SOHLH2: variants seen among roughly 807,000 people sequenced by gnomAD.
The protein encoded by SOHLH2 is spermatogenesis- and oogenesis-specific basic helix-loop-helix-containing protein 2.
Under a neutral mutation model 50.4 loss-of-function variants are expected in SOHLH2, and 22 were observed. The observed-to-expected ratio is 0.44, with a 90% CI of 0.31 to 0.62. The LOEUF (loss-of-function observed/expected upper bound fraction) is 0.62, where lower values mean the gene tolerates loss of function less well. SOHLH2 is among the 20% of genes least tolerant of loss of function. The pLI, the probability that SOHLH2 is intolerant of heterozygous loss-of-function variation, is 0.08. For synonymous variants in SOHLH2, 185 were observed against 187.3 expected, an observed-to-expected ratio of 0.99 and a Z score of 0.10; for missense variants, 412 against 504.4, an observed-to-expected ratio of 0.82 and a Z score of 1.76.
chr13:36,182,806 T>C (rs1887294391), intron 6 of SOHLH2: 1 of 152,412 alleles, frequency 6.6e-6, no homozygotes, highest in South Asian at 2.1e-4. Flanking sequence ...GAGTAATCTG[T>C]TGTACAGTAT....
chr13:36,209,369 C>T (rs1315833884), intron 1 of SOHLH2, among the ~76,000 whole-genome samples: 12 of 151,368 alleles, frequency 7.9e-5, no homozygotes, highest in Non-Finnish European at 1.3e-4. Flanking sequence ...TTTATTCAAG[C>T]TGCTATAACA....
intron 6 of SOHLH2, among the ~76,000 whole-genome samples, chr13:36,181,773 T>C (rs1324769596): frequency 6.6e-6 from 1 of 152,210 alleles, no homozygotes; most frequent in East Asian, 1.9e-4. Context: ...TCTGGTGCTA[T>C]GTAGTCCTTC....
chr13:36,192,246 CA>C (rs1280130408), intron 4 of SOHLH2, among the ~76,000 whole-genome samples: 1 of 152,158 alleles, frequency 6.6e-6, no homozygotes, highest in Non-Finnish European at 1.5e-5. Flanking sequence ...CTTCAACAAG[CA>C]GCTGCACTGT....
intron 1 of SOHLH2, among the ~76,000 whole-genome samples, chr13:36,211,877 A>G (rs562994921): frequency 2.0e-5 from 3 of 152,222 alleles, no homozygotes; most frequent in African/African-American, 7.2e-5. Flanking sequence ...AAATGTGTCC[A>G]TGCTGGGCTC....
intron 2 of SOHLH2, among the ~76,000 whole-genome samples, chr13:36,201,353 C>CA (rs1208095570): frequency 6.6e-6 from 1 of 152,060 alleles, no homozygotes; most frequent in Non-Finnish European, 1.5e-5. Context: ...ATTTCTATGA[C>CA]AAATTGATTC....
chr13:36,187,324 G>A (rs544045095), intron 6 of SOHLH2, among the ~76,000 whole-genome samples: 5 of 152,028 alleles, frequency 3.3e-5, no homozygotes, highest in Admixed American at 6.5e-5. Flanking sequence ...ATGTTTCCTC[G>A]CATCATTTCA....
intron 1 of SOHLH2, among the ~76,000 whole-genome samples, chr13:36,208,378 T>C (rs1210946663): frequency 6.6e-6 from 1 of 152,238 alleles, no homozygotes; most frequent in African/African-American, 2.4e-5. Flanking sequence ...ATTTATTTTA[T>C]TCTTTGGGTT....
chr13:36,174,064 A>G (rs1288133580), intron 8 of SOHLH2, among the ~76,000 whole-genome samples: 2 of 152,232 alleles, frequency 1.3e-5, no homozygotes, highest in Non-Finnish European at 2.9e-5. Context: ...TCATTTGGGA[A>G]GTCACATTTT....
chr13:36,172,006 G>A (rs75480441), intron 9 of SOHLH2, among the ~76,000 whole-genome samples: 3,366 of 152,202 alleles, frequency 0.022, 115 homozygotes, highest in African/African-American at 0.073. Flanking sequence ...GTAAAGGATC[G>A]GCACTGGTTT....
intron 6 of SOHLH2, among the ~76,000 whole-genome samples, chr13:36,180,006 C>A (rs1323836803): frequency 6.6e-6 from 1 of 152,126 alleles, no homozygotes; most frequent in Non-Finnish European, 1.5e-5. Context: ...TGCTGAAATT[C>A]ATTGGTAAAA....
rs1168544411 is a variant in SOHLH2, at chr13:36,173,035, G to A, written c.1000+657C>T. Among the ~76,000 whole-genome samples, 3 of 151,928 alleles carry A rather than the reference G, an allele frequency of 2.0e-5. No homozygotes were observed. In the East Asian group the frequency reaches 5.8e-4, roughly 29 times the overall value. ...TACACGGGCATGTCTAGGCTTATAC[G>A]GCACATATAACAAAAATGCCTCCCA... On this transcript the variant is annotated intron_variant, in intron 9 of 10. Transcript: ENST00000379881.
intron 2 of SOHLH2, among the ~76,000 whole-genome samples, chr13:36,196,467 A>C (rs921574516): frequency 2.0e-5 from 3 of 152,134 alleles, no homozygotes; most frequent in African/African-American, 7.2e-5. Context: ...GTGGATTATA[A>C]CGGAGGTACA....
intron 4 of SOHLH2, among the ~76,000 whole-genome samples, chr13:36,192,938 T>C (rs1391688186): frequency 6.6e-6 from 1 of 152,158 alleles, no homozygotes; most frequent in Non-Finnish European, 1.5e-5. Context: ...CAATTTAACA[T>C]CATCTTAATT....
intron 6 of SOHLH2, 41 bp from the exon 7 acceptor site, chr13:36,174,910 A>G: frequency 6.5e-7 from 1 of 1,530,474 alleles, no homozygotes; most frequent in Non-Finnish European, 8.7e-7. Context: ...AATTAGTCTC[A>G]TTGTCTTCAT....
chr13:36,178,290 AT>A (rs1887147107), intron 6 of SOHLH2, among the ~76,000 whole-genome samples: 2 of 146,638 alleles, frequency 1.4e-5, no homozygotes. Flanking sequence ...CCATCTTGAA[AT>A]AATTTTTTAT....
chr13:36,213,503 G>A (rs1431178511), intron 1 of SOHLH2, among the ~76,000 whole-genome samples: 1 of 152,132 alleles, frequency 6.6e-6, no homozygotes, highest in Admixed American at 6.5e-5. Context: ...ATCAAGATGC[G>A]GAAAATACTA....
At chr13:36,179,236 T>C (rs1566036819) in intron 6 of SOHLH2, among the ~76,000 whole-genome samples, 2 of 152,248 alleles carry the variant, frequency 1.3e-5, no homozygotes, top group Non-Finnish European at 2.9e-5. Flanking sequence ...ATGTTAGTTA[T>C]AAGTTTTTTA....
chr13:36,193,396 A>G (rs561460679), intron 4 of SOHLH2, among the ~76,000 whole-genome samples: 22 of 152,348 alleles, frequency 1.4e-4, no homozygotes, highest in African/African-American at 5.3e-4. Context: ...ACAGTAACAC[A>G]ATGCTGCTTC....
At chr13:36,191,417 G>C (rs544706580) in intron 5 of SOHLH2, among the ~76,000 whole-genome samples, 1 of 152,184 alleles carries the variant, frequency 6.6e-6, no homozygotes, top group Non-Finnish European at 1.5e-5. Context: ...GTGTATAACA[G>C]GTGAGGCTGC....
Sources: gnomAD v4.1 joint callset for allele counts (sites outside exome capture counted in the v4.1 genomes callset) on GRCh38, gnomAD v4.1.1 for gene constraint, MANE v1.5 for transcripts, NCBI Gene and HGNC (gene_info 2026-07-23, HGNC 2026-07-21) for gene names.